Variants in DNAI4 observed in about 807,000 individuals in gnomAD.
DNAI4 encodes the protein WD repeat domain 78.
Under a neutral mutation model 105.8 loss-of-function variants are expected in DNAI4, and 85 were observed. That is an observed-to-expected ratio of 0.80 (90% CI 0.67 to 0.96). DNAI4 has a LOEUF of 0.96. Among genes scored for constraint, DNAI4 ranks in the 40% least tolerant of loss-of-function variants. DNAI4 has a pLI of 0.00. For missense variants in DNAI4, 1,014 were observed against 1,005.6 expected (o/e 1.01, Z -0.11); for synonymous variants, 352 against 331.5 (o/e 1.06, Z -0.67).
Position 66,835,677 on chromosome 1 carries a change from A to C in DNAI4, c.1682T>G (p.Ile561Ser). 6.2e-7 allele frequency: 1 copy of C among 1,614,128 alleles called. No homozygotes were observed. Among genetic ancestry groups the C allele is most frequent in the Non-Finnish European group, 8.5e-7 (1 of 1,179,990 alleles). The change falls in exon 11 of 17, where the codon ATT (isoleucine) becomes AGT (serine). Residue 561 changes from isoleucine (I) to serine (S), a missense_variant. Ile to Ser is a moderately radical substitution (Grantham distance 142). Transcript: ENST00000371026. Reference protein sequence around the residue: ...LLAVGYHNGTIAIYNVRSNSN... With the variant: ...LLAVGYHNGTSAIYNVRSNSN... ...GTTGCTCCGTACATTGTAAATTGCA[A>C]TTGTGCCATTGTGATAGCCAACGGC...
Position 66,835,664 on chromosome 1 carries a change from A to G in DNAI4, c.1695T>C (p.Asn565=), listed in dbSNP as rs757366852. Residue 565 remains asparagine (N), a synonymous_variant, in exon 11 of 17, where the codon AAT becomes AAC. Transcript: ENST00000371026. The stretch of plus-strand genomic sequence containing the variant: ...CTGGAACATTACTGTTGCTCCGTAC[A>G]TTGTAAATTGCAATTGTGCCATTGT... ...GYHNGTIAIY[N]VRSNSNVPVL... 4 of 1,614,154 alleles carry G rather than the reference A, an allele frequency of 2.5e-6. No individual in the cohort carries two copies. The highest frequency in any genetic ancestry group is 1.1e-5 in the South Asian group (1 of 91,086).
intron 6 of DNAI4, chr1:66,870,938 T>A (rs1347780127): frequency 6.4e-6 from 1 of 157,114 alleles, no homozygotes; most frequent in Non-Finnish European, 1.4e-5. Context: ...AAACTTCTCT[T>A]TGCCTGTTTC....
intron 11 of DNAI4, 52 bp from the exon 12 acceptor site, chr1:66,834,200 A>G: frequency 6.9e-7 from 1 of 1,444,524 alleles, no homozygotes; most frequent in Non-Finnish European, 9.3e-7. Flanking sequence ...TAATTTCTTA[A>G]AGGCCTTGGA....
intron 1 of DNAI4, among the ~76,000 whole-genome samples, chr1:66,912,767 AT>A (rs1350665675): frequency 6.6e-6 from 1 of 152,170 alleles, no homozygotes; most frequent in Non-Finnish European, 1.5e-5. Context: ...TGGGGTTCAC[AT>A]TTTGGTAACC....
At chr1:66,842,328 T>A (rs1204509903) in intron 8 of DNAI4, among the ~76,000 whole-genome samples, 1 of 152,236 alleles carries the variant, frequency 6.6e-6, no homozygotes, top group Non-Finnish European at 1.5e-5. Context: ...GCTCATTTAG[T>A]TAATCAACAG....
At chr1:66,865,659 C>G (rs1197530847) in intron 6 of DNAI4, among the ~76,000 whole-genome samples, 1 of 152,196 alleles carries the variant, frequency 6.6e-6, no homozygotes. Flanking sequence ...ACTGTCACAG[C>G]TAGACAAGCA....
intron 13 of DNAI4, among the ~76,000 whole-genome samples, chr1:66,833,304 G>C (rs1449182156): frequency 1.3e-5 from 2 of 151,974 alleles, no homozygotes; most frequent in Non-Finnish European, 2.9e-5. Context: ...TTTGTTCATA[G>C]AGTTGTGCAA....
Position 66,822,370 on chromosome 1 carries a change from T to C in DNAI4, c.2487A>G (p.Glu829=). The C allele has an allele frequency of 6.2e-7, 1 of 1,605,028 alleles. No individual in the cohort carries two copies. Among genetic ancestry groups the C allele is most frequent in the Admixed American group, 1.7e-5 (1 of 57,792 alleles). Residue 829 remains glutamate (E), a synonymous_variant, in exon 16 of 17, where the codon GAA becomes GAG. Transcript: ENST00000371026. ...YELRNMPTVL[E]TGRGDIMDTL... is the part of the protein sequence containing the mutation. ...TACTCTTGAGTCTTACCCGGCCAGTTTCCAAAACAGTAGGCATATTTCTCA... is the reference window on the plus strand; with the variant it reads ...TACTCTTGAGTCTTACCCGGCCAGTCTCCAAAACAGTAGGCATATTTCTCA...
At chr1:66,865,294 T>C (rs576273558) in intron 6 of DNAI4, among the ~76,000 whole-genome samples, 2 of 152,066 alleles carry the variant, frequency 1.3e-5, no homozygotes, top group East Asian at 1.9e-4. Flanking sequence ...CATGGTGGCA[T>C]GTGCCTGTAA....
chr1:66,897,910 A>T (rs777928278), intron 2 of DNAI4, among the ~76,000 whole-genome samples: 2 of 152,162 alleles, frequency 1.3e-5, no homozygotes, highest in Non-Finnish European at 2.9e-5. Context: ...CCTAGTGGAG[A>T]CATGGGAGCA....
chr1:66,913,426 CTGT>C (rs1649807731), intron 1 of DNAI4, among the ~76,000 whole-genome samples: 1 of 152,122 alleles, frequency 6.6e-6, no homozygotes, highest in South Asian at 2.1e-4. Flanking sequence ...AGGAACTGAA[CTGT>C]TGTTTTCATA....
At chr1:66,871,315 T>C in intron 6 of DNAI4, 55 bp downstream of exon 6, 1 of 1,493,056 alleles carries the variant, frequency 6.7e-7, no homozygotes, top group Non-Finnish European at 9.0e-7. Context: ...ATTGACAGAC[T>C]CAAAAAATGT....
intron 2 of DNAI4, among the ~76,000 whole-genome samples, chr1:66,899,239 C>T (rs1166338771): frequency 2.0e-5 from 3 of 152,278 alleles, no homozygotes; most frequent in East Asian, 3.9e-4. Flanking sequence ...GAGGGTTCTG[C>T]TTTCTTTACT....
Position 66,840,535 on chromosome 1 carries a change from C to G in DNAI4, c.1428G>C (p.Trp476Cys). The G allele has an allele frequency of 6.2e-7, 1 of 1,614,166 alleles. No individual in the cohort carries two copies. ...STIPANLERL[W>C]SFSCDLTKGL... Reference sequence around the variant, plus strand: ...CTTTGGTTAAGTCACAGGAAAAAGACCAAAGTCGTTCCAAGTTGGCGGGTA... The same window carrying G: ...CTTTGGTTAAGTCACAGGAAAAAGAGCAAAGTCGTTCCAAGTTGGCGGGTA... The change falls in exon 9 of 17, where the codon TGG becomes TGC. Residue 476 changes from tryptophan (W) to cysteine (C), a missense_variant. Coordinates refer to ENST00000371026, the MANE Select transcript of DNAI4 (RefSeq NM_024763.5).
chr1:66,880,570 G>A (rs1257528000), intron 4 of DNAI4, among the ~76,000 whole-genome samples: 1 of 152,136 alleles, frequency 6.6e-6, no homozygotes, highest in Non-Finnish European at 1.5e-5. Flanking sequence ...ACTTGAGAGA[G>A]ATTTAGGGTA....
rs1221155038 is a variant in DNAI4 at position 66,827,078 on chromosome 1, A to G, written c.2113-32T>C. 4 of 1,515,976 alleles carry G rather than the reference A, an allele frequency of 2.6e-6. No individual in the cohort carries two copies. In the African/African-American group the frequency reaches 4.2e-5, roughly 16 times the overall value. The allele number at this position is 1,515,976 out of a possible 1,614,324, so 93.9% of individuals were successfully genotyped here. A position where few individuals can be genotyped will look rare whatever the true frequency, so the allele number is the denominator to read the frequency against. ...ATAAAAAAAAAATACATAGGTAAAT[A>G]ATATTTAACATCTTTTATTTTAAAC... On this transcript the variant is annotated intron_variant, in intron 14 of 16. Coordinates refer to ENST00000371026, the MANE Select transcript of DNAI4 (RefSeq NM_024763.5).
At chr1:66,851,999 C>T (rs1646407380) in intron 7 of DNAI4, among the ~76,000 whole-genome samples, 1 of 151,698 alleles carries the variant, frequency 6.6e-6, no homozygotes, top group Non-Finnish European at 1.5e-5. Flanking sequence ...ACAAAATTGA[C>T]AATCTTCCAG....
At chr1:66,877,088 G>C (rs1312197705) in intron 4 of DNAI4, among the ~76,000 whole-genome samples, 1 of 152,138 alleles carries the variant, frequency 6.6e-6, no homozygotes, top group Non-Finnish European at 1.5e-5. Flanking sequence ...GTGAGGAAAA[G>C]GGATGCAATT....
In DNAI4 at chr1:66,853,325, G is replaced by A. The variant is rs548270178; in HGVS notation, c.1097-5647C>T. Among the ~76,000 whole-genome samples the A allele has an allele frequency of 2.6e-5, 4 of 152,310 alleles. No individual in the cohort carries two copies. In the East Asian group the frequency reaches 7.7e-4, roughly 29 times the overall value. On this transcript the variant is annotated intron_variant, in intron 7 of 16. Transcript: ENST00000371026. ...ACGAGCTTAAAGAAAACACGGCTGA[G>A]TCAGGGAACTTACATGATTCTAGTG...
Sources: gnomAD v4.1 joint callset for allele counts (sites outside exome capture counted in the v4.1 genomes callset) on GRCh38, gnomAD v4.1.1 for gene constraint, MANE v1.5 for transcripts, NCBI Gene and HGNC (gene_info 2026-07-23, HGNC 2026-07-21) for gene names.